Variants in RABGEF1 observed in about 807,000 individuals in gnomAD.
RABGEF1 encodes RAB guanine nucleotide exchange factor 1, also known as rab5 GDP/GTP exchange factor.
Under a neutral mutation model 57.3 loss-of-function variants are expected in RABGEF1, and 26 were observed. The ratio of observed to expected loss-of-function variants is 0.45; its 90% CI spans 0.33 to 0.63. The LOEUF is 0.63. RABGEF1 is among the 20% of genes least tolerant of loss of function. The pLI is 0.02. For synonymous variants in RABGEF1, 185 were observed against 210.7 expected (o/e 0.88, Z 1.06); for missense variants, 464 against 607.6 (o/e 0.76, Z 2.48).
At chr7:66,663,439 G>C in the RABGEF1 span, among the ~76,000 whole-genome samples, 1 of 152,034 alleles carries the variant, frequency 6.6e-6, no homozygotes, top group African/African-American at 2.4e-5. Context: ...TTGGCTGGGC[G>C]TGGTGGTGGG....
At chr7:66,774,416 T>C (rs1388499642) in intron 2 of RABGEF1, among the ~76,000 whole-genome samples, 1 of 152,208 alleles carries the variant, frequency 6.6e-6, no homozygotes, top group African/African-American at 2.4e-5. Flanking sequence ...TACCACATGA[T>C]GAAATCCAGA....
intron 1 of RABGEF1, chr7:66,749,068 T>A: frequency 6.4e-6 from 1 of 155,684 alleles, no homozygotes; most frequent in Non-Finnish European, 1.4e-5. Context: ...ACCCAGTGTA[T>A]GTCTGACAGG....
chr7:66,773,078 TG>T (rs879547223), intron 2 of RABGEF1, among the ~76,000 whole-genome samples: 6,201 of 122,372 alleles, frequency 0.051, 206 homozygotes, highest in Non-Finnish European at 0.083. Context: ...TCTAGCTAGT[TG>T]TTTGTTTTTT....
At chr7:66,784,271 A>G (rs984193101) in intron 4 of RABGEF1, among the ~76,000 whole-genome samples, 2 of 152,236 alleles carry the variant, frequency 1.3e-5, no homozygotes, top group Non-Finnish European at 2.9e-5. Context: ...AGTTAGAGAA[A>G]GGACAGATAG....
intron 3 of RABGEF1, among the ~76,000 whole-genome samples, chr7:66,780,096 G>A (rs545679882): frequency 1.3e-5 from 2 of 152,292 alleles, no homozygotes; most frequent in African/African-American, 4.8e-5. Flanking sequence ...GTGTGGGAGG[G>A]AGGCATGTTG....
chr7:66,657,942 C>G, the RABGEF1 span, among the ~76,000 whole-genome samples: 1 of 151,946 alleles, frequency 6.6e-6, no homozygotes, highest in Admixed American at 6.6e-5. Flanking sequence ...ATACCAGAAA[C>G]AAAGATTAGA....
chr7:66,701,374 C>T (rs1793234403), intron 1 of RABGEF1, among the ~76,000 whole-genome samples: 1 of 152,100 alleles, frequency 6.6e-6, no homozygotes, highest in African/African-American at 2.4e-5. Context: ...TGGTGGCGCA[C>T]ACCAGTAGCC....
At chr7:66,664,633 C>G in the RABGEF1 span, among the ~76,000 whole-genome samples, 1 of 152,220 alleles carries the variant, frequency 6.6e-6, no homozygotes, top group South Asian at 2.1e-4. Flanking sequence ...GAGAGTGGCT[C>G]CCTACAGATG....
intron 1 of RABGEF1, among the ~76,000 whole-genome samples, chr7:66,745,529 G>C (rs1470074751): frequency 6.6e-6 from 1 of 152,132 alleles, no homozygotes; most frequent in Non-Finnish European, 1.5e-5. Flanking sequence ...CACTTTGGGA[G>C]GCTGAGGTGG....
chr7:66,669,830 T>C, the RABGEF1 span: 19 of 152,154 alleles, frequency 1.2e-4, no homozygotes, highest in African/African-American at 4.3e-4. Flanking sequence ...GGAGGCATCT[T>C]TGGATCATCT....
intron 2 of RABGEF1, among the ~76,000 whole-genome samples, chr7:66,723,218 C>T (rs982761458): frequency 6.6e-6 from 1 of 152,190 alleles, no homozygotes; most frequent in African/African-American, 2.4e-5. Flanking sequence ...ATCTGCCTGC[C>T]TCAGCCTCCC....
chr7:66,702,920 G>T (rs1266090301), intron 1 of RABGEF1, among the ~76,000 whole-genome samples: 1 of 152,060 alleles, frequency 6.6e-6, no homozygotes, highest in Non-Finnish European at 1.5e-5. Context: ...CTGTCATTCT[G>T]TAGGGTTTAT....
At chr7:66,732,695 T>TGCTCTCTCTCTCTCGCTCACTCTCTCTC (rs1178280630) in intron 2 of RABGEF1, among the ~76,000 whole-genome samples, 4 of 151,892 alleles carry the variant, frequency 2.6e-5, no homozygotes, top group African/African-American at 2.4e-5. Flanking sequence ...TGCGCTCTTG[T>TGCTCTCTCTCTCTCGCTCACTCTCTCTC]GCTCTCTCTC....
intron 4 of RABGEF1, among the ~76,000 whole-genome samples, chr7:66,785,702 G>A (rs529792044): frequency 3.3e-5 from 5 of 152,248 alleles, no homozygotes; most frequent in East Asian, 1.9e-4. Flanking sequence ...GTGAAACCTT[G>A]TCTCTACTAA....
intron 1 of RABGEF1, among the ~76,000 whole-genome samples, chr7:66,750,383 G>A (rs1305899434): frequency 6.6e-6 from 1 of 152,096 alleles, no homozygotes; most frequent in Non-Finnish European, 1.5e-5. Flanking sequence ...CTGAAATTCA[G>A]TATTTAAGTT....
chr7:66,783,777 A>G lies in RABGEF1; in HGVS notation c.449A>G (p.His150Arg), dbSNP rs777130707. Residue 150 changes from histidine to arginine, a missense_variant, in exon 4 of 9, where the codon CAC becomes CGC. His to Arg is a conservative substitution (Grantham distance 29, BLOSUM62 0). Transcript: ENST00000284957. ...TTCATAGAATTTCTCAAGACCTTCC[A>G]CAAGACAGGCCAAGAAATCTATAAA... ...KEFIEFLKTF[H>R]KTGQEIYKQT... The G allele has an allele frequency of 2.2e-5, 36 of 1,613,678 alleles. No homozygotes were observed. The highest frequency in any genetic ancestry group is 2.9e-5 in the Non-Finnish European group (34 of 1,179,754).
In RABGEF1 at chr7:66,751,221, G is replaced by A. The variant is rs574786368; in HGVS notation, c.-18+10429G>A. Among the ~76,000 whole-genome samples the A allele has an allele frequency of 3.4e-4, 51 of 152,194 alleles. 1 individual carries two copies. In the South Asian group the frequency reaches 9.8e-3, roughly 29 times the overall value. On this transcript the variant is annotated intron_variant, in intron 1 of 8. Transcript: ENST00000284957. ...AATTTTTGTATTTTTAGTAGAGACG[G>A]GGTTTCACCGTGTTAGCCAGGCTGG...
chr7:66,786,464 C>T (rs538883286), intron 4 of RABGEF1, among the ~76,000 whole-genome samples: 18 of 152,204 alleles, frequency 1.2e-4, no homozygotes, highest in African/African-American at 3.9e-4. Context: ...AGCACAATAG[C>T]GCAGTTGCTG....
At chr7:66,711,611 G>A (rs2117390641) in intron 1 of RABGEF1, among the ~76,000 whole-genome samples, 1 of 151,218 alleles carries the variant, frequency 6.6e-6, no homozygotes, top group East Asian at 1.9e-4. Context: ...TTTTGAGATG[G>A]AGTCTTGCTC....
Sources: gnomAD v4.1 joint callset for allele counts (sites outside exome capture counted in the v4.1 genomes callset) on GRCh38, gnomAD v4.1.1 for gene constraint, MANE v1.5 for transcripts, NCBI Gene and HGNC (gene_info 2026-07-23, HGNC 2026-07-21) for gene names.